Variants in WDR72 observed in about 807,000 individuals in gnomAD.
WDR72 encodes WD repeat-containing protein 72.
A neutral mutation model predicts 124.2 loss-of-function variants in WDR72; 120 were observed. The ratio of observed to expected loss-of-function variants is 0.97; its 90% CI spans 0.83 to 1.12. The LOEUF (loss-of-function observed/expected upper bound fraction) is 1.12, where lower values mean the gene tolerates loss of function less well. Among genes scored for constraint, WDR72 ranks in the 50% most tolerant of loss-of-function variants. WDR72 has a pLI of 0.00. For missense variants in WDR72, 1,387 were observed against 1,278.8 expected (o/e 1.08, Z -1.29); for synonymous variants, 452 against 441.7 (o/e 1.02, Z -0.29).
At chr15:53,564,772 G>T (rs1174466837) in intron 18 of WDR72, among the ~76,000 whole-genome samples, 1 of 151,776 alleles carries the variant, frequency 6.6e-6, no homozygotes, top group African/African-American at 2.4e-5. Context: ...TTCCAGTCAC[G>T]TGGGTAAGCA....
chr15:53,734,668 A>C (rs2018298471), intron 1 of WDR72, among the ~76,000 whole-genome samples: 1 of 152,144 alleles, frequency 6.6e-6, no homozygotes, highest in Non-Finnish European at 1.5e-5. Context: ...ATCCCTATGT[A>C]AGGATAGGAA....
intron 18 of WDR72, among the ~76,000 whole-genome samples, chr15:53,579,825 A>T (rs1274338816): frequency 6.6e-6 from 1 of 152,108 alleles, no homozygotes; most frequent in Non-Finnish European, 1.5e-5. Context: ...TATAAAAAAA[A>T]TGTTCAAAAT....
chr15:53,592,517 C>T (rs2012558319), intron 18 of WDR72, among the ~76,000 whole-genome samples: 2 of 152,014 alleles, frequency 1.3e-5, no homozygotes, highest in South Asian at 4.1e-4. Flanking sequence ...ACAATAAATG[C>T]ATGGTTTTAT....
At chr15:53,629,090 T>C (rs2014319234) in intron 14 of WDR72, among the ~76,000 whole-genome samples, 1 of 151,918 alleles carries the variant, frequency 6.6e-6, no homozygotes, top group African/African-American at 2.4e-5. Context: ...ATACACCGAA[T>C]ATTAATGCAG....
rs1567035539 is a variant in WDR72, at chr15:53,699,895, A to C, written c.1620T>G (p.Ala540=). 4 of 1,614,196 alleles carry C rather than the reference A, an allele frequency of 2.5e-6. No homozygotes were observed. Among genetic ancestry groups the C allele is most frequent in the Non-Finnish European group, 3.4e-6 (4 of 1,180,040 alleles). The change falls in exon 13 of 20, where the codon GCT becomes GCG. Residue 540 remains alanine, a synonymous_variant. Coordinates refer to ENST00000360509, the MANE Select transcript of WDR72 (RefSeq NM_182758.4). ...AACTCTTTCCCTCAAGGTGAAGGAG[A>C]GCCACGGAATGGTCACCGCACACAC... The part of the protein sequence containing the change: ...ICCVCGDHSV[A]LLHLEGKSCL...
In WDR72 at chr15:53,515,960, C is replaced by A. The variant is rs8041208; in HGVS notation, c.*1739G>T. The A allele has an allele frequency of 6.6e-6, 1 of 151,922 alleles. No homozygotes were observed. The highest frequency in any genetic ancestry group is 2.1e-4 in the South Asian group (1 of 4,814). 9.4% of individuals were successfully genotyped at this position (151,922 alleles called of 1,614,324 possible). ...ACATACACTTATTTGATATTGCCAT[C>A]CTTCAAAATGCTTTTGGGAGTCCTT... On this transcript the variant is annotated 3_prime_UTR_variant, in exon 20 of 20. Coordinates refer to ENST00000360509, the MANE Select transcript of WDR72 (RefSeq NM_182758.4).
chr15:53,596,669 C>T (rs2012788903), intron 18 of WDR72, among the ~76,000 whole-genome samples: 1 of 152,188 alleles, frequency 6.6e-6, no homozygotes, highest in East Asian at 1.9e-4. Context: ...ATAAATAATA[C>T]AAGCTGTTCT....
intron 18 of WDR72, among the ~76,000 whole-genome samples, chr15:53,548,183 C>T (rs190403409): frequency 1.3e-5 from 2 of 152,330 alleles, no homozygotes; most frequent in East Asian, 3.9e-4. Context: ...TCATCTTCTA[C>T]CTAAATCATC....
chr15:53,761,582 T>C (rs371123986), upstream of WDR72, among the ~76,000 whole-genome samples: 9 of 152,216 alleles, frequency 5.9e-5, no homozygotes, highest in South Asian at 1.2e-3. Context: ...TCCCAGCGCT[T>C]TAGGAGGCTG....
intron 3 of WDR72, among the ~76,000 whole-genome samples, chr15:53,718,286 A>G (rs1018948002): frequency 1.5e-5 from 2 of 133,922 alleles, no homozygotes; most frequent in Non-Finnish European, 2.9e-5. Flanking sequence ...CTAGCTATAC[A>G]TTAGACTTAT....
In WDR72 at chr15:53,616,186, A is replaced by AT. The variant is rs779460257; in HGVS notation, c.2019dup (p.Trp674MetfsTer3). On this transcript the variant is annotated frameshift_variant, in exon 15 of 20. Transcript: ENST00000360509. LOFTEE classifies it high-confidence loss of function. ...AGAATATGAAAGCCAACGTTACTCC[A>AT]TTTTGTCTTCACAGGCAAGACATTA... is the stretch of plus-strand genomic sequence containing the variant. 6.8e-6 allele frequency: 11 copies of AT among 1,606,982 alleles called. No homozygotes were observed. In the African/African-American group the frequency reaches 1.3e-4, roughly 20 times the overall value.
At chr15:53,733,236 A>G (rs914252884) in intron 1 of WDR72, 75 bp from the exon 2 acceptor site, 1 of 1,525,286 alleles carries the variant, frequency 6.6e-7, no homozygotes. Flanking sequence ...TATTACAAGC[A>G]GATTTATGAT....
chr15:53,737,008 C>T, intron 1 of WDR72, among the ~76,000 whole-genome samples: 1 of 98,606 alleles, frequency 1.0e-5, no homozygotes, highest in East Asian at 2.3e-4. Flanking sequence ...AACACACACA[C>T]ACACACACAC....
intron 14 of WDR72, among the ~76,000 whole-genome samples, chr15:53,634,317 T>C (rs1462814570): frequency 1.3e-5 from 2 of 152,158 alleles, no homozygotes; most frequent in Admixed American, 6.5e-5. Context: ...GAAGAGGTTA[T>C]GGTGAAACCA....
chr15:53,665,660 T>C lies in WDR72; in HGVS notation c.1874A>G (p.Lys625Arg). The change falls in exon 14 of 20, where the codon AAG becomes AGG. Residue 625 changes from lysine to arginine, a missense_variant. By Grantham distance (26) the Lys-to-Arg change is conservative. Transcript: ENST00000360509. ...SVLPIASETLKHKSIEQRSSS... is the reference protein window; with the variant it reads ...SVLPIASETLRHKSIEQRSSS... ...GGATCTCTGTTCTATACTTTTGTGC[T>C]TAAGTGTCTCTGAGGCAATGGGAAG... The C allele has an allele frequency of 6.2e-7, 1 of 1,613,966 alleles. No individual in the cohort carries two copies. The highest frequency in any genetic ancestry group is 8.5e-7 in the Non-Finnish European group (1 of 1,179,888).
chr15:53,557,060 T>C (rs1410754328), intron 18 of WDR72, among the ~76,000 whole-genome samples: 12 of 152,068 alleles, frequency 7.9e-5, no homozygotes, highest in Non-Finnish European at 7.4e-5. Context: ...AATTAAACAA[T>C]AGTACTGCCA....
chr15:53,647,200 A>G (rs2140421178), intron 14 of WDR72, among the ~76,000 whole-genome samples: 1 of 152,320 alleles, frequency 6.6e-6, no homozygotes, highest in South Asian at 2.1e-4. Flanking sequence ...AGAACATGAA[A>G]TACTAACTCA....
At chr15:53,663,302 A>C (rs2015669271) in intron 14 of WDR72, among the ~76,000 whole-genome samples, 1 of 152,072 alleles carries the variant, frequency 6.6e-6, no homozygotes, top group African/African-American at 2.4e-5. Context: ...AAAGAAGGTG[A>C]TAGTCCTGTC....
At chr15:53,755,659 AG>A (rs2018881783) in intron 1 of WDR72, among the ~76,000 whole-genome samples, 2 of 152,208 alleles carry the variant, frequency 1.3e-5, no homozygotes, top group African/African-American at 2.4e-5. Flanking sequence ...AATGAGATGA[AG>A]GCCCCACTTC....
Sources: gnomAD v4.1 joint callset for allele counts (sites outside exome capture counted in the v4.1 genomes callset) on GRCh38, gnomAD v4.1.1 for gene constraint, MANE v1.5 for transcripts, NCBI Gene and HGNC (gene_info 2026-07-23, HGNC 2026-07-21) for gene names.